TMEM200C: variants seen among roughly 807,000 people sequenced by gnomAD.
TMEM200C encodes the protein transmembrane protein 200C.
For synonymous variants in TMEM200C, 462 were observed against 324.7 expected (o/e 1.42, Z -4.55); for missense variants, 966 against 699.9 (o/e 1.38, Z -4.29).
At chr18:5,888,808 G>A (rs1249110559) in exon 3 of TMEM200C, 1 of 152,186 alleles carries the variant, frequency 6.6e-6, no homozygotes, top group African/African-American at 2.4e-5. Flanking sequence ...ATAGCTCCAT[G>A]AGATATGTCT....
At chr18:5,890,514 G>C (rs777291762) in exon 3 of TMEM200C, 1 of 1,522,192 alleles carries the variant, frequency 6.6e-7, no homozygotes, top group Non-Finnish European at 8.8e-7. Flanking sequence ...CCGCCTGGTG[G>C]GGGGCGAGCC....
At chr18:5,890,484 G>C in exon 3 of TMEM200C, 1 of 1,553,418 alleles carries the variant, frequency 6.4e-7, no homozygotes, top group Non-Finnish European at 8.7e-7. Flanking sequence ...TGGGTCATCC[G>C]ACTGGGAGCT....
At chr18:5,888,025 A>G (rs371553282) in exon 3 of TMEM200C, 16 of 152,240 alleles carry the variant, frequency 1.1e-4, no homozygotes, top group Non-Finnish European at 1.9e-4. Context: ...AATGTCACTT[A>G]GCATTTGATA....
chr18:5,884,731 T>C (rs1360991033), exon 3 of TMEM200C: 5 of 152,128 alleles, frequency 3.3e-5, no homozygotes, highest in Non-Finnish European at 5.9e-5. Flanking sequence ...CATAAAACAA[T>C]AGCAAAAGTC....
chr18:5,890,929 AGGC>A (rs759695794), exon 3 of TMEM200C: 36 of 677,024 alleles, frequency 5.3e-5, no homozygotes, highest in Non-Finnish European at 9.4e-5. Flanking sequence ...AGCAGCGCGA[AGGC>A]GCTCAGCGAG....
chr18:5,883,283 C>G (rs1446192589), exon 3 of TMEM200C: 3 of 128,268 alleles, frequency 2.3e-5, no homozygotes, highest in African/African-American at 9.1e-5. Flanking sequence ...CAAAATTATA[C>G]TTTTGTTAAT....
chr18:5,892,185 G>A, intron 2 of TMEM200C, 28 bp from the exon 2 acceptor site: 2 of 1,008,840 alleles, frequency 2.0e-6, no homozygotes, highest in Admixed American at 5.3e-5. Context: ...ACAGTCAGAG[G>A]GTGTCAGCTT....
chr18:5,889,280 A>G (rs1290893910), exon 3 of TMEM200C: 1 of 152,224 alleles, frequency 6.6e-6, no homozygotes, highest in Non-Finnish European at 1.5e-5. Context: ...AAGCTTAAAA[A>G]TACGCTGGAC....
exon 3 of TMEM200C, chr18:5,883,986 C>A (rs1023485506): frequency 2.6e-5 from 4 of 152,138 alleles, no homozygotes; most frequent in Non-Finnish European, 5.9e-5. Context: ...GTTCTATGTA[C>A]TGATACTTCT....
Position 5,891,744 on chromosome 18 carries a change from C to G in TMEM200C, c.320G>C (p.Ser107Thr), listed in dbSNP as rs372056401. The G allele has an allele frequency of 3.1e-6, 5 of 1,611,718 alleles. No homozygotes were observed. The highest frequency in any genetic ancestry group is 4.2e-6 in the Non-Finnish European group (5 of 1,179,736). ...GCTCCTGGACCGGTTTTTGCTGCCA[C>G]TGCTACTGCTGTTGGCCGTGGTTGG... is the stretch of plus-strand genomic sequence containing the variant. The change falls in exon 3 of 3, where the codon AGT becomes ACT. Residue 107 changes from serine to threonine, a missense_variant. Physicochemically the swap from Ser to Thr is moderately conservative, Grantham distance 58. Transcript: ENST00000581347. The surrounding 1 kb of genome is among the most constrained non-coding windows in gnomAD (Gnocchi z 4.7).
chr18:5,884,915 C>T (rs1044403711), exon 3 of TMEM200C: 3 of 151,842 alleles, frequency 2.0e-5, no homozygotes, highest in Non-Finnish European at 4.4e-5. Flanking sequence ...AATTTATTTT[C>T]AATTATTAAA....
Position 5,891,386 on chromosome 18 carries a change from CGCGGCGGCG to C in TMEM200C, c.669_677del (p.Ala228_Ala230del), listed in dbSNP as rs1442306735. The C allele has an allele frequency of 1.5e-6, 2 of 1,323,456 alleles. No individual in the cohort carries two copies. The highest frequency in any genetic ancestry group is 1.9e-6 in the Non-Finnish European group (2 of 1,041,624). The allele number at this position is 1,323,456 out of a possible 1,614,324, so 82.0% of individuals were successfully genotyped here. A position where few individuals can be genotyped will look rare whatever the true frequency, so the allele number is the denominator to read the frequency against. On this transcript the variant is annotated inframe_deletion, in exon 3 of 3. Coordinates refer to ENST00000581347, the Ensembl canonical transcript of TMEM200C. The surrounding 1 kb of genome is among the most constrained non-coding windows in gnomAD (Gnocchi z 4.7). ...ACGACGACGAAGAGGCGGCGGCGGC[CGCGGCGGCG>C]GCCGCGGCGGCCGCCAGGTCTTTGG...
rs1341598475 is a variant in TMEM200C at position 5,891,455 on chromosome 18, G to C, written c.609C>G (p.Leu203=). 3 of 1,563,370 alleles carry C rather than the reference G, an allele frequency of 1.9e-6. No homozygotes were observed. The highest frequency in any genetic ancestry group is 2.4e-5 in the East Asian group (1 of 41,736). ...TGTGCACGTCGATGACGGTGGAGTA[G>C]AGGTCCCGCAGGTTGATGATTTTGG... Residue 203 remains leucine (L), a synonymous_variant, in exon 3 of 3, where the codon CTC becomes CTG. Transcript: ENST00000581347. This position sits in a 1 kb window ranked among gnomAD's most constrained non-coding sequence, Gnocchi z 4.7.
exon 3 of TMEM200C, chr18:5,883,593 G>A (rs2095163286): frequency 1.3e-5 from 2 of 152,152 alleles, no homozygotes; most frequent in Non-Finnish European, 2.9e-5. Context: ...AAAAACGGAT[G>A]TTTATTATTA....
exon 3 of TMEM200C, chr18:5,890,644 C>G: frequency 7.8e-6 from 6 of 768,744 alleles, no homozygotes; most frequent in Non-Finnish European, 1.1e-5. Flanking sequence ...TCCGGGAGCC[C>G]GCTGGTGCTG....
upstream of TMEM200C, chr18:5,895,996 T>A (rs2095175947): frequency 6.6e-6 from 1 of 152,508 alleles, no homozygotes; most frequent in Non-Finnish European, 1.5e-5. Flanking sequence ...TGCCTCGGTC[T>A]TTTGTTGCCT....
At chr18:5,889,984 A>T (rs1301723822) in exon 3 of TMEM200C, 1 of 393,716 alleles carries the variant, frequency 2.5e-6, no homozygotes, top group African/African-American at 2.1e-5. Context: ...TCACCATCGG[A>T]CATAAAAAGA....
chr18:5,890,352 T>C, exon 3 of TMEM200C: 1 of 1,598,536 alleles, frequency 6.3e-7, no homozygotes. Flanking sequence ...CGAGCTCTGC[T>C]CCGCACCCAG....
exon 3 of TMEM200C, chr18:5,886,833 T>C (rs2095165743): frequency 1.3e-5 from 2 of 152,304 alleles, no homozygotes; most frequent in South Asian, 4.1e-4. Context: ...TGTTGCCTTA[T>C]ACTTTAGATT....
Sources: gnomAD v4.1 joint callset for allele counts on GRCh38, gnomAD v4.1.1 for gene constraint, Gnocchi (gnomAD v3.1) non-coding constraint, MANE v1.5 for transcripts, NCBI Gene and HGNC (gene_info 2026-07-23, HGNC 2026-07-21) for gene names.